The following PIR variants were observed in gnomAD, a reference collection of about 807,000 sequenced individuals.
The protein encoded by PIR is pirin (iron-binding nuclear protein).
A neutral mutation model predicts 24.2 loss-of-function variants in PIR; 22 were observed. The observed-to-expected ratio is 0.91, with a 90% CI of 0.65 to 1.30. The LOEUF (loss-of-function observed/expected upper bound fraction) is 1.30. PIR is among the 50% of genes most tolerant of loss of function. PIR has a pLI of 0.00. For missense variants in PIR, 220 were observed against 220.3 expected (o/e 1.00, Z 0.01); for synonymous variants, 80 against 79.6 (o/e 1.00, Z -0.03).
At chrX:15,481,632 C>A (rs1922507700) in intron 2 of PIR, among the ~76,000 whole-genome samples, 1 of 111,783 alleles carries the variant, frequency 8.9e-6, no homozygotes, top group African/African-American at 3.3e-5. Context: ...AATTCTACTG[C>A]AAACAGCATT....
intron 8 of PIR, among the ~76,000 whole-genome samples, chrX:15,396,239 C>A (rs1360131838): frequency 9.0e-6 from 1 of 111,626 alleles, no homozygotes; most frequent in African/African-American, 3.3e-5. Context: ...AGGGCACTGA[C>A]CCTGACATAT....
chrX:15,463,864 T>A (rs897896151), intron 3 of PIR, among the ~76,000 whole-genome samples: 9 of 112,356 alleles, frequency 8.0e-5, no homozygotes, highest in Non-Finnish European at 1.5e-4. Flanking sequence ...AAAAACATGT[T>A]CCAAATGGAT....
intron 5 of PIR, among the ~76,000 whole-genome samples, chrX:15,447,629 T>C (rs1313995991): frequency 8.9e-6 from 1 of 112,195 alleles, no homozygotes; most frequent in Non-Finnish European, 1.9e-5. Flanking sequence ...CTGATACCAG[T>C]TTTTAAAATA....
intron 2 of PIR, among the ~76,000 whole-genome samples, 167 bp downstream of exon 2, chrX:15,490,995 T>G (rs1923126206): frequency 8.9e-6 from 1 of 111,835 alleles, no homozygotes; most frequent in Non-Finnish European, 1.9e-5. Flanking sequence ...AGAAACCCCC[T>G]TTGGGCTGGG....
At chrX:15,460,234 C>T (rs1287098216) in intron 3 of PIR, among the ~76,000 whole-genome samples, 1 of 111,618 alleles carries the variant, frequency 9.0e-6, no homozygotes, top group Non-Finnish European at 1.9e-5. Context: ...ACAGCAATCT[C>T]ATCCTGGGTA....
chrX:15,429,347 T>C (rs1393093398), intron 5 of PIR: 2 of 112,239 alleles, frequency 1.8e-5, no homozygotes, highest in Non-Finnish European at 3.8e-5. Context: ...ACAAAATATA[T>C]TCTATCGTCT....
At chrX:15,442,579 G>A (rs1332303231) in intron 5 of PIR, among the ~76,000 whole-genome samples, 1 of 112,075 alleles carries the variant, frequency 8.9e-6, no homozygotes, top group African/African-American at 3.2e-5. Context: ...TAGCCAAGTT[G>A]GGAATGCAAG....
chrX:15,395,565 C>G (rs1924104566), intron 8 of PIR, among the ~76,000 whole-genome samples: 1 of 112,083 alleles, frequency 8.9e-6, no homozygotes, highest in Non-Finnish European at 1.9e-5. Flanking sequence ...TACGTAATCT[C>G]AAATATTCTT....
At chrX:15,452,360 T>A (rs1377235562) in intron 5 of PIR, among the ~76,000 whole-genome samples, 1 of 111,820 alleles carries the variant, frequency 8.9e-6, no homozygotes, top group Non-Finnish European at 1.9e-5. Flanking sequence ...TTTCTCCCTG[T>A]TCAGCCTTCA....
intron 2 of PIR, among the ~76,000 whole-genome samples, chrX:15,480,192 G>C (rs1332017145): frequency 1.8e-5 from 2 of 108,339 alleles, no homozygotes; most frequent in Non-Finnish European, 1.9e-5. Flanking sequence ...TTTGCCTGCT[G>C]CCATCCATAT....
chrX:15,388,561 A>G (rs1336245093), intron 9 of PIR, among the ~76,000 whole-genome samples: 1 of 112,594 alleles, frequency 8.9e-6, no homozygotes, highest in Non-Finnish European at 1.9e-5. Context: ...ACCAATGTCT[A>G]GGAAATAGTA....
chrX:15,385,018 T>C lies in PIR; in HGVS notation c.859A>G (p.Lys287Glu). The C allele has an allele frequency of 8.6e-7, 1 of 1,156,109 alleles. No homozygotes were observed. The highest frequency in any genetic ancestry group is 1.2e-6 in the Non-Finnish European group (1 of 845,429). ...TCCGCTTTCCACTAGTTCCCAATCT[T>C]TGATTTCCAGGTTTTGGCCCTTTCA... ...GFERAKTWKS[K>E]IGN The change falls in exon 10 of 10, where the codon AAG becomes GAG. Residue 287 changes from lysine (K) to glutamate (E), a missense_variant. Coordinates refer to ENST00000380420, the MANE Select transcript of PIR (RefSeq NM_001018109.3).
At chrX:15,483,872 G>C (rs927899287) in intron 2 of PIR, among the ~76,000 whole-genome samples, 2 of 112,245 alleles carry the variant, frequency 1.8e-5, no homozygotes, top group Admixed American at 9.4e-5. Context: ...CACTTCCCTA[G>C]GTACAAAACA....
At chrX:15,437,598 A>G (rs1027188111) in intron 5 of PIR, among the ~76,000 whole-genome samples, 2 of 112,142 alleles carry the variant, frequency 1.8e-5, no homozygotes, top group Non-Finnish European at 3.8e-5. Context: ...CGCACACCAA[A>G]TTGCTTTAAA....
chrX:15,387,625 C>G (rs1028719350), intron 9 of PIR, among the ~76,000 whole-genome samples: 9 of 111,226 alleles, frequency 8.1e-5, no homozygotes, highest in African/African-American at 2.6e-4. Flanking sequence ...TTAAAGGACA[C>G]GCAGGGGAAA....
At chrX:15,462,987 T>C (rs181809943) in intron 3 of PIR, among the ~76,000 whole-genome samples, 3 of 111,632 alleles carry the variant, frequency 2.7e-5, no homozygotes, top group South Asian at 3.8e-4. Context: ...GTAGGACTGG[T>C]AGAGTTGAAA....
At chrX:15,394,162 T>C (rs1020968867) in intron 8 of PIR, among the ~76,000 whole-genome samples, 30 of 111,315 alleles carry the variant, frequency 2.7e-4, no homozygotes, top group African/African-American at 9.8e-4. Context: ...AACTGTGCTT[T>C]AGCATGACTT....
intron 5 of PIR, among the ~76,000 whole-genome samples, chrX:15,434,805 A>T (rs766495916): frequency 9.1e-6 from 1 of 110,465 alleles, no homozygotes; most frequent in East Asian, 2.8e-4. Flanking sequence ...CATGGGTCTA[A>T]TCTATTCATC....
chrX:15,443,537 C>A lies in PIR; in HGVS notation c.480+12311G>T, dbSNP rs556197876. 3.6e-4 allele frequency among the ~76,000 whole-genome samples: 40 copies of A among 111,189 alleles called. No individual in the cohort carries two copies. The South Asian group carries it at 0.014, about 40-fold the overall frequency. ...CAATAATTTAATTGATATTAATCAT[C>A]ATCAATTAATTATTTTATTAATTAC... On this transcript the variant is annotated intron_variant, in intron 5 of 9. Transcript: ENST00000380420.
Sources: gnomAD v4.1 joint callset for allele counts (sites outside exome capture counted in the v4.1 genomes callset) on GRCh38, gnomAD v4.1.1 for gene constraint, MANE v1.5 for transcripts, NCBI Gene and HGNC (gene_info 2026-07-23, HGNC 2026-07-21) for gene names.